Variants in ABCC11 observed in about 807,000 individuals in gnomAD.
ABCC11 encodes ATP-binding cassette sub-family C member 11.
Under a neutral mutation model 149.3 loss-of-function variants are expected in ABCC11, and 135 were observed. The observed-to-expected ratio is 0.90, with a 90% CI of 0.79 to 1.04. ABCC11 has a LOEUF of 1.04. Among genes scored for constraint, ABCC11 ranks in the 50% least tolerant of loss-of-function variants. ABCC11 has a pLI of 0.00. For missense variants in ABCC11, 1,680 were observed against 1,722.1 expected (o/e 0.98, Z 0.43); for synonymous variants, 665 against 671.4 (o/e 0.99, Z 0.15).
At chr16:48,165,123 C>A (rs1286628957), downstream of ABCC11, 2 of 152,074 alleles carry the variant, frequency 1.3e-5, no homozygotes, top group Non-Finnish European at 2.9e-5. Flanking sequence ...AGAGAGCTCC[C>A]TCACCCGTGA....
intron 23 of ABCC11, among the ~76,000 whole-genome samples, chr16:48,182,645 T>A (rs1471814521): frequency 6.6e-6 from 1 of 152,058 alleles, no homozygotes. Context: ...TAGCTGGGCA[T>A]GGTGGCGGGC....
chr16:48,179,427 C>A (rs1436342107), intron 23 of ABCC11, among the ~76,000 whole-genome samples: 1 of 152,244 alleles, frequency 6.6e-6, no homozygotes, highest in African/African-American at 2.4e-5. Flanking sequence ...GGAGGCAGAG[C>A]TGGGCTTGGG....
intron 23 of ABCC11, among the ~76,000 whole-genome samples, chr16:48,181,757 C>T (rs1421934058): frequency 2.0e-5 from 3 of 152,154 alleles, no homozygotes; most frequent in Non-Finnish European, 4.4e-5. Context: ...ACTATAGGCA[C>T]CTGCCACCAC....
At chr16:48,186,802 C>T in intron 22 of ABCC11, 151 bp downstream of exon 22, 2 of 952,786 alleles carry the variant, frequency 2.1e-6, no homozygotes, top group Non-Finnish European at 3.1e-6. Flanking sequence ...AATGGTTCAG[C>T]AGGTTCTGGA....
At chr16:48,215,124 C>T (rs1312209522) in intron 8 of ABCC11, 73 bp downstream of exon 8, 1 of 1,581,180 alleles carries the variant, frequency 6.3e-7, no homozygotes, top group East Asian at 2.3e-5. Flanking sequence ...GAAAAAAAAT[C>T]CTCAAGAGGT....
Position 48,213,564 on chromosome 16 carries a change from G to C in ABCC11, c.1249-14C>G. On this transcript the variant is annotated splice_polypyrimidine_tract_variant and intron_variant, in intron 9 of 29. Coordinates refer to ENST00000356608, the MANE Select transcript of ABCC11 (RefSeq NM_001370497.1). ...CATGCTGAAGGCCTGGATAAGAAGG[G>C]GAGGAGGTGGTGAGGGTCGTGGCCC... 1 of 1,600,730 alleles carries C rather than the reference G, an allele frequency of 6.2e-7. No individual in the cohort carries two copies. The highest frequency in any genetic ancestry group is 2.3e-5 in the East Asian group (1 of 44,154).
chr16:48,172,427 CTTTTT>C (rs566472502), intron 26 of ABCC11, among the ~76,000 whole-genome samples: 1 of 137,456 alleles, frequency 7.3e-6, no homozygotes. Context: ...CTATGTTTAA[CTTTTT>C]TTTTTTTTTT....
In ABCC11 at chr16:48,231,721, G is replaced by T. The variant is rs1225087795; in HGVS notation, c.99+102C>A. 4 of 1,483,940 alleles carry T rather than the reference G, an allele frequency of 2.7e-6. No homozygotes were observed. The African/African-American group carries it at 5.7e-5, about 21-fold the overall frequency. 91.9% of individuals were successfully genotyped at this position (1,483,940 alleles called of 1,614,324 possible). A position where few individuals can be genotyped will look rare whatever the true frequency, so the allele number is the denominator to read the frequency against. The stretch of plus-strand genomic sequence containing the variant: ...AAGAGAAAAGAAAAAAAATTCAAGG[G>T]TAAATAAGTATGGGAAGAAATTGTT... On this transcript the variant is annotated intron_variant, in intron 2 of 29. Transcript: ENST00000356608.
intron 15 of ABCC11, among the ~76,000 whole-genome samples, chr16:48,198,558 A>T (rs1173310685): frequency 6.6e-6 from 1 of 152,126 alleles, no homozygotes; most frequent in African/African-American, 2.4e-5. Flanking sequence ...TGAACCAACG[A>T]TTCGACTCCT....
At chr16:48,230,364 G>T (rs1970348245) in intron 3 of ABCC11, 73 bp downstream of exon 3, 9 of 1,465,348 alleles carry the variant, frequency 6.1e-6, no homozygotes, top group Non-Finnish European at 7.3e-6. Flanking sequence ...TTCGTGAGAG[G>T]TCTAGTTGGG....
At chr16:48,175,770 T>C (rs912029537) in intron 25 of ABCC11, among the ~76,000 whole-genome samples, 3 of 152,202 alleles carry the variant, frequency 2.0e-5, no homozygotes, top group African/African-American at 7.2e-5. Flanking sequence ...TCTTGAAATT[T>C]AGTAGAATTG....
At chr16:48,240,278 T>A (rs1017578917) in intron 1 of ABCC11, among the ~76,000 whole-genome samples, 2 of 152,148 alleles carry the variant, frequency 1.3e-5, no homozygotes, top group Non-Finnish European at 2.9e-5. Flanking sequence ...TCAACCTAAA[T>A]GCCCATCAAC....
At chr16:48,177,444 G>A (rs564662368) in intron 24 of ABCC11, among the ~76,000 whole-genome samples, 1 of 152,364 alleles carries the variant, frequency 6.6e-6, no homozygotes, top group South Asian at 2.1e-4. Flanking sequence ...CCTTCGGGGG[G>A]GTTCATAGCT....
intron 1 of ABCC11, among the ~76,000 whole-genome samples, chr16:48,239,764 T>C (rs1970869790): frequency 6.6e-6 from 1 of 151,698 alleles, no homozygotes; most frequent in South Asian, 2.1e-4. Context: ...GAAGAAAAAT[T>C]TTGCAATCTG....
In ABCC11 at chr16:48,198,006, G is replaced by A. The variant is rs1192378299; in HGVS notation, c.2279C>T (p.Ala760Val). 1 of 1,614,160 alleles carries A rather than the reference G, an allele frequency of 6.2e-7. No homozygotes were observed. Among genetic ancestry groups the A allele is most frequent in the Non-Finnish European group, 8.5e-7 (1 of 1,180,028 alleles). Reference protein sequence around the residue: ...EKPKVESQALATSLEESLNGN... With the variant: ...EKPKVESQALVTSLEESLNGN... ...GTTGAGAGACTCTTCCAGGGAGGTG[G>A]CCAGAGCCTGACTTTCTACCTTTGG... The change falls in exon 17 of 30, where the codon GCC becomes GTC. Residue 760 changes from alanine to valine, a missense_variant. Ala to Val is a moderately conservative substitution (Grantham distance 64, BLOSUM62 0). Transcript: ENST00000356608.
At chr16:48,202,439 T>C (rs1010711702) in intron 14 of ABCC11, among the ~76,000 whole-genome samples, 3 of 152,006 alleles carry the variant, frequency 2.0e-5, no homozygotes, top group African/African-American at 7.2e-5. Context: ...GACGAAACCC[T>C]GTCTCCACTA....
chr16:48,167,549 G>A lies in ABCC11; in HGVS notation c.4003C>T (p.Arg1335Cys), dbSNP rs1239238209. ...QGCTVLVIAH[R>C]VTTVLNCDHI... ...TCACAGTTCAGCACAGTGGTGACAC[G>A]GTGGGCAATGACGAGCACGGTGCAG... Residue 1335 changes from arginine (R) to cysteine (C), a missense_variant, in exon 29 of 30, where the codon CGT becomes TGT. Coordinates refer to ENST00000356608, the MANE Select transcript of ABCC11 (RefSeq NM_001370497.1). 7.4e-6 allele frequency: 12 copies of A among 1,614,044 alleles called. No individual in the cohort carries two copies. In the Admixed American group the frequency reaches 1.0e-4, roughly 13 times the overall value.
intron 6 of ABCC11, 45 bp from the exon 7 acceptor site, chr16:48,216,332 T>G: frequency 5.7e-6 from 9 of 1,588,904 alleles, no homozygotes; most frequent in Non-Finnish European, 7.7e-6. Flanking sequence ...CCTCCCTGGG[T>G]ACACAGAAGG....
chr16:48,239,987 C>T (rs565250283), intron 1 of ABCC11, among the ~76,000 whole-genome samples: 25 of 152,276 alleles, frequency 1.6e-4, no homozygotes, highest in East Asian at 1.2e-3. Context: ...CCATCTTACA[C>T]CAGTCAGAAT....
Sources: gnomAD v4.1 joint callset for allele counts (sites outside exome capture counted in the v4.1 genomes callset) on GRCh38, gnomAD v4.1.1 for gene constraint, MANE v1.5 for transcripts, NCBI Gene and HGNC (gene_info 2026-07-23, HGNC 2026-07-21) for gene names.